The following GNA14 variants were observed in gnomAD, a reference collection of about 807,000 sequenced individuals.
GNA14 encodes the protein guanine nucleotide-binding protein subunit alpha-14.
A neutral mutation model predicts 42.0 loss-of-function variants in GNA14; 50 were observed. The ratio of observed to expected loss-of-function variants is 1.19; its 90% CI spans 0.95 to 1.51. GNA14 has a LOEUF of 1.51. Ranked by LOEUF, GNA14 falls within the 40% of genes most tolerant of loss-of-function variation. The probability of loss-of-function intolerance (pLI) is 0.00; values close to 1 mark genes in which losing one functional copy is unlikely to be tolerated. For synonymous variants in GNA14, 173 were observed against 163.1 expected (o/e 1.06, Z -0.46); for missense variants, 473 against 446.2 (o/e 1.06, Z -0.54).
At chr9:77,605,098 G>C (rs963910730) in intron 1 of GNA14, among the ~76,000 whole-genome samples, 1 of 152,168 alleles carries the variant, frequency 6.6e-6, no homozygotes, top group Non-Finnish European at 1.5e-5. Flanking sequence ...CCTCTAAAAA[G>C]TATCTAAATA....
chr9:77,542,711 G>C (rs893867806), intron 1 of GNA14, among the ~76,000 whole-genome samples: 4 of 152,234 alleles, frequency 2.6e-5, no homozygotes, highest in African/African-American at 9.6e-5. Context: ...CCTTCAGGTG[G>C]CTTGTGCAGG....
intron 2 of GNA14, among the ~76,000 whole-genome samples, chr9:77,439,971 G>A (rs765315781): frequency 6.6e-6 from 1 of 152,156 alleles, no homozygotes; most frequent in Non-Finnish European, 1.5e-5. Flanking sequence ...GTCTGTCTGT[G>A]GTTCACGGAG....
At chr9:77,535,033 T>TG (rs909098664) in intron 1 of GNA14, among the ~76,000 whole-genome samples, 6 of 152,132 alleles carry the variant, frequency 3.9e-5, no homozygotes, top group Admixed American at 1.3e-4. Context: ...GGCTTTTTAA[T>TG]GGGGGGATAA....
chr9:77,617,875 C>T (rs1823848625), intron 1 of GNA14, among the ~76,000 whole-genome samples: 1 of 152,010 alleles, frequency 6.6e-6, no homozygotes, highest in South Asian at 2.1e-4. Context: ...AATCCAGTCT[C>T]CCCTCCATTG....
chr9:77,509,933 C>T (rs936906767), intron 2 of GNA14, among the ~76,000 whole-genome samples: 9 of 152,158 alleles, frequency 5.9e-5, no homozygotes, highest in East Asian at 1.9e-4. Context: ...CACATCACTA[C>T]GTAGTAGTCT....
intron 2 of GNA14, among the ~76,000 whole-genome samples, chr9:77,493,345 C>CT (rs1466711509): frequency 6.6e-6 from 1 of 151,994 alleles, no homozygotes; most frequent in African/African-American, 2.4e-5. Context: ...GCTTATCTTC[C>CT]TTTTTTGTTA....
intron 1 of GNA14, among the ~76,000 whole-genome samples, chr9:77,614,688 AG>A (rs1415003417): frequency 2.6e-5 from 4 of 152,052 alleles, no homozygotes; most frequent in Non-Finnish European, 5.9e-5. Context: ...CCTCCAAAAA[AG>A]CTCCCTGCCA....
chr9:77,571,627 C>G (rs1564056439), intron 1 of GNA14, among the ~76,000 whole-genome samples: 1 of 151,952 alleles, frequency 6.6e-6, no homozygotes, highest in East Asian at 1.9e-4. Context: ...ATGGAGAAAC[C>G]CTGTCTCTAC....
At chr9:77,519,383 C>G (rs1263896952) in intron 2 of GNA14, among the ~76,000 whole-genome samples, 1 of 151,946 alleles carries the variant, frequency 6.6e-6, no homozygotes, top group African/African-American at 2.4e-5. Flanking sequence ...TACACTCCAG[C>G]CTGGGTGACA....
At chr9:77,434,870 C>A (rs1036500745) in intron 2 of GNA14, among the ~76,000 whole-genome samples, 1 of 152,130 alleles carries the variant, frequency 6.6e-6, no homozygotes, top group South Asian at 2.1e-4. Context: ...TTTACTTCTT[C>A]ATTAACATAT....
intron 1 of GNA14, among the ~76,000 whole-genome samples, chr9:77,629,645 C>T (rs1401198243): frequency 2.0e-5 from 3 of 152,274 alleles, no homozygotes; most frequent in East Asian, 3.9e-4. Flanking sequence ...AACCAAACAT[C>T]GCATGTTCTC....
chr9:77,571,924 CT>C (rs980132283), intron 1 of GNA14, among the ~76,000 whole-genome samples: 2 of 151,100 alleles, frequency 1.3e-5, no homozygotes, highest in Admixed American at 6.6e-5. Context: ...TTAATTTCAT[CT>C]TTTTTTTTCC....
chr9:77,622,910 A>G (rs1303113278), intron 1 of GNA14, among the ~76,000 whole-genome samples: 1 of 82,404 alleles, frequency 1.2e-5, no homozygotes, highest in Non-Finnish European at 2.2e-5. Flanking sequence ...AAAAAAAAAG[A>G]AAAATTTTTT....
chr9:77,602,891 G>A (rs1564064059), intron 1 of GNA14, among the ~76,000 whole-genome samples: 2 of 152,124 alleles, frequency 1.3e-5, no homozygotes, highest in African/African-American at 4.8e-5. Flanking sequence ...TTTTGCCCAA[G>A]GACCCTACAT....
intron 1 of GNA14, among the ~76,000 whole-genome samples, chr9:77,599,694 T>C (rs1439450639): frequency 3.3e-5 from 5 of 152,074 alleles, no homozygotes; most frequent in Admixed American, 2.0e-4. Context: ...ACAGATGCAT[T>C]GGGAGGGTGT....
intron 1 of GNA14, among the ~76,000 whole-genome samples, chr9:77,625,422 CAACCCCAAGACAGATAGT>C (rs1039220204): frequency 7.2e-5 from 11 of 152,020 alleles, no homozygotes; most frequent in African/African-American, 2.7e-4. Context: ...TCAAGAAGAG[CAACCCCAAGACAGATAGT>C]TGTCAGGTTG....
intron 1 of GNA14, among the ~76,000 whole-genome samples, chr9:77,598,931 T>C (rs1157312057): frequency 6.6e-6 from 1 of 152,234 alleles, no homozygotes; most frequent in Non-Finnish European, 1.5e-5. Context: ...GCACCTATTA[T>C]GTCTAAATAA....
chr9:77,437,671 A>C (rs941616416), intron 2 of GNA14, among the ~76,000 whole-genome samples: 1 of 152,104 alleles, frequency 6.6e-6, no homozygotes, highest in Admixed American at 6.6e-5. Context: ...AGAAACTTAT[A>C]AAGAGTCAGT....
chr9:77,566,169 T>TC (rs1181679793), intron 1 of GNA14, among the ~76,000 whole-genome samples: 3 of 133,016 alleles, frequency 2.3e-5, no homozygotes, highest in East Asian at 2.1e-4. Context: ...TTTTTTTTTT[T>TC]TCTGAGACAG....
Sources: allele counts gnomAD v4.1 joint callset (sites outside exome capture counted in the v4.1 genomes callset), GRCh38; gene constraint gnomAD v4.1.1; transcripts MANE v1.5; gene names NCBI Gene and HGNC (gene_info 2026-07-23, HGNC 2026-07-21).